Variants in SAMD3 observed in about 807,000 individuals in gnomAD.
SAMD3 encodes sterile alpha motif domain-containing protein 3.
SAMD3 carries 63 observed loss-of-function variants against 58.5 expected under a neutral mutation model. The observed-to-expected ratio is 1.08, with a 90% confidence interval of 0.88 to 1.33. The LOEUF is 1.33. Ranked by LOEUF, SAMD3 falls within the 40% of genes most tolerant of loss-of-function variation. SAMD3 has a pLI of 0.00. For synonymous variants in SAMD3, 220 were observed against 210.3 expected (o/e 1.05, Z -0.40); for missense variants, 604 against 608.4 (o/e 0.99, Z 0.08).
intron 8 of SAMD3, among the ~76,000 whole-genome samples, chr6:130,163,119 G>A (rs1790409959): frequency 6.6e-6 from 1 of 151,502 alleles, no homozygotes; most frequent in Non-Finnish European, 1.5e-5. Flanking sequence ...AAATGTAAGT[G>A]CAAACACTGT....
intron 1 of SAMD3, among the ~76,000 whole-genome samples, chr6:130,345,448 C>G (rs1016473059): frequency 6.6e-6 from 1 of 152,064 alleles, no homozygotes; most frequent in African/African-American, 2.4e-5. Context: ...TTGGATAAAA[C>G]AGGAGAAGCT....
At chr6:130,322,484 T>C (rs1438482411) in intron 1 of SAMD3, among the ~76,000 whole-genome samples, 1 of 152,068 alleles carries the variant, frequency 6.6e-6, no homozygotes, top group Non-Finnish European at 1.5e-5. Flanking sequence ...CAAAGTACAT[T>C]GTAGTAGCCG....
intron 2 of SAMD3, among the ~76,000 whole-genome samples, chr6:130,286,426 T>A (rs4897398): frequency 0.32 from 48,471 of 152,074 alleles, 7,952 homozygotes; most frequent in East Asian, 0.47. Context: ...TTCAAAGGGA[T>A]GTCAAGGTTA....
chr6:130,274,553 T>A (rs767249508), intron 2 of SAMD3, among the ~76,000 whole-genome samples: 1 of 152,094 alleles, frequency 6.6e-6, no homozygotes, highest in Non-Finnish European at 1.5e-5. Flanking sequence ...TAGGACTCCA[T>A]CCATCCTTAG....
intron 1 of SAMD3, among the ~76,000 whole-genome samples, chr6:130,218,203 T>C (rs978542184): frequency 1.3e-5 from 2 of 152,198 alleles, no homozygotes; most frequent in African/African-American, 4.8e-5. Flanking sequence ...GGGGAAACAG[T>C]GGCTCTCAGC....
At chr6:130,162,211 G>C (rs1481629556) in intron 8 of SAMD3, 3 of 699,816 alleles carry the variant, frequency 4.3e-6, no homozygotes, top group Admixed American at 4.0e-5. Context: ...AGTAACCTAA[G>C]CTCTCACAGA....
intron 2 of SAMD3, among the ~76,000 whole-genome samples, chr6:130,299,908 G>T (rs1775689202): frequency 1.3e-5 from 2 of 152,052 alleles, no homozygotes; most frequent in Non-Finnish European, 2.9e-5. Context: ...GAGTGAACCA[G>T]GAAGAAATTG....
intron 8 of SAMD3, among the ~76,000 whole-genome samples, chr6:130,165,426 G>T (rs1790647470): frequency 6.6e-6 from 1 of 151,946 alleles, no homozygotes; most frequent in African/African-American, 2.4e-5. Context: ...AAAACACAGA[G>T]ATAAGCCAAG....
intron 9 of SAMD3, among the ~76,000 whole-genome samples, chr6:130,149,142 T>A (rs1046647768): frequency 6.6e-6 from 1 of 152,136 alleles, no homozygotes; most frequent in African/African-American, 2.4e-5. Flanking sequence ...CTTCTAACTC[T>A]CTTCAACAGT....
intron 2 of SAMD3, among the ~76,000 whole-genome samples, chr6:130,242,312 T>A (rs192337275): frequency 1.8e-4 from 28 of 152,352 alleles, no homozygotes; most frequent in African/African-American, 6.5e-4. Flanking sequence ...CTGTCATAGA[T>A]AATATGTCAA....
intron 1 of SAMD3, among the ~76,000 whole-genome samples, chr6:130,356,252 T>C (rs1777822575): frequency 6.6e-6 from 1 of 152,130 alleles, no homozygotes; most frequent in African/African-American, 2.4e-5. Flanking sequence ...TCTTCTCAGC[T>C]GGAAGGGCCG....
At chr6:130,241,137 A>G (rs753547822) in intron 2 of SAMD3, among the ~76,000 whole-genome samples, 2 of 151,622 alleles carry the variant, frequency 1.3e-5, no homozygotes, top group Non-Finnish European at 2.9e-5. Flanking sequence ...GATCAGAGTG[A>G]TACAAATCTA....
chr6:130,279,270 C>G (rs1472033614), intron 2 of SAMD3, among the ~76,000 whole-genome samples: 1 of 151,952 alleles, frequency 6.6e-6, no homozygotes, highest in African/African-American at 2.4e-5. Context: ...TGAGAGGGTC[C>G]CAGTGGGAGG....
chr6:130,336,333 C>T (rs1583124425), intron 1 of SAMD3, among the ~76,000 whole-genome samples: 1 of 152,052 alleles, frequency 6.6e-6, no homozygotes, highest in African/African-American at 2.4e-5. Context: ...GTGGCAGAGC[C>T]AGGATTTGAA....
At chr6:130,233,497 G>A (rs1215654108) in intron 2 of SAMD3, among the ~76,000 whole-genome samples, 1 of 152,194 alleles carries the variant, frequency 6.6e-6, no homozygotes, top group East Asian at 1.9e-4. Context: ...GTCCAGCAAT[G>A]TGAATGAAAA....
At chr6:130,270,522 C>T (rs1212037549) in intron 2 of SAMD3, among the ~76,000 whole-genome samples, 1 of 152,228 alleles carries the variant, frequency 6.6e-6, no homozygotes, top group Non-Finnish European at 1.5e-5. Context: ...AGCACCCCTT[C>T]CTGGGACTTT....
At chr6:130,165,180 A>T (rs1381962338) in intron 8 of SAMD3, among the ~76,000 whole-genome samples, 1 of 152,202 alleles carries the variant, frequency 6.6e-6, no homozygotes, top group Non-Finnish European at 1.5e-5. Context: ...TAATGAATAC[A>T]TCATAAAATG....
chr6:130,333,780 C>T (rs923743824), intron 1 of SAMD3, among the ~76,000 whole-genome samples: 1 of 152,180 alleles, frequency 6.6e-6, no homozygotes, highest in Non-Finnish European at 1.5e-5. Flanking sequence ...AAGAGAGTTT[C>T]ATCTCTAGCT....
intron 2 of SAMD3, among the ~76,000 whole-genome samples, chr6:130,303,612 C>T (rs1180198519): frequency 1.3e-5 from 2 of 152,126 alleles, no homozygotes; most frequent in Non-Finnish European, 2.9e-5. Flanking sequence ...AATCCACATA[C>T]CATTCATCAG....
Sources: gnomAD v4.1 joint callset for allele counts (sites outside exome capture counted in the v4.1 genomes callset) on GRCh38, gnomAD v4.1.1 for gene constraint, MANE v1.5 for transcripts, NCBI Gene and HGNC (gene_info 2026-07-23, HGNC 2026-07-21) for gene names.